The following PCDH7 variants were observed in gnomAD, a reference collection of about 807,000 sequenced individuals.
PCDH7 encodes protocadherin-7.
PCDH7 carries 17 observed loss-of-function variants against 58.9 expected under a neutral mutation model. That is an observed-to-expected ratio of 0.29 (90% CI 0.20 to 0.43). The LOEUF (loss-of-function observed/expected upper bound fraction) is 0.43, where lower values mean the gene tolerates loss of function less well. PCDH7 is among the 20% of genes least tolerant of loss of function. PCDH7 has a pLI of 1.00. For missense variants in PCDH7, 1,274 were observed against 1,441.0 expected (o/e 0.88, Z 1.88); for synonymous variants, 664 against 616.4 (o/e 1.08, Z -1.14).
At chr4:31,110,913 T>TAA (rs781688769) in intron 3 of PCDH7, among the ~76,000 whole-genome samples, 13 of 127,066 alleles carry the variant, frequency 1.0e-4, no homozygotes, top group Admixed American at 1.6e-4. Context: ...AGACTATGTC[T>TAA]AAAAAAAAAA....
intron 1 of PCDH7, among the ~76,000 whole-genome samples, chr4:30,765,803 A>G (rs1720667799): frequency 6.6e-6 from 1 of 152,130 alleles, no homozygotes; most frequent in Non-Finnish European, 1.5e-5. Flanking sequence ...GAAGGCACCA[A>G]AGGATTTGAG....
At chr4:31,029,763 C>G (rs1754742866) in intron 3 of PCDH7, among the ~76,000 whole-genome samples, 1 of 152,068 alleles carries the variant, frequency 6.6e-6, no homozygotes, top group African/African-American at 2.4e-5. Flanking sequence ...GGCAGATAGG[C>G]CTGATACTGT....
At chr4:30,963,272 T>G (rs66578250) in intron 3 of PCDH7, among the ~76,000 whole-genome samples, 1 of 152,066 alleles carries the variant, frequency 6.6e-6, no homozygotes, top group Non-Finnish European at 1.5e-5. Flanking sequence ...TTAAAAGTCA[T>G]TGGAGATTTT....
In PCDH7 at chr4:31,079,116, G is replaced by A. The variant is rs74613661; in HGVS notation, c.*8-63357G>A. 7.7e-3 allele frequency among the ~76,000 whole-genome samples: 1,161 copies of A among 151,018 alleles called. 6 individuals are homozygous for A. The highest frequency in any genetic ancestry group is 0.013 in the Non-Finnish European group (858 of 67,728). On this transcript the variant is annotated intron_variant, in intron 3 of 3. Coordinates refer to the PCDH7 transcript ENST00000509759. ...TGTAAAACATTTAGAAGATCACATA[G>A]GAAAACAGTATCACCTCAAGAATGA...
downstream of PCDH7, among the ~76,000 whole-genome samples, chr4:30,736,778 C>T (rs973810875): frequency 6.6e-6 from 1 of 151,922 alleles, no homozygotes; most frequent in South Asian, 2.1e-4. Context: ...CCTCGTGATC[C>T]GCCCGCCTCG....
chr4:30,792,745 T>G (rs1724292487), intron 1 of PCDH7, among the ~76,000 whole-genome samples: 1 of 152,174 alleles, frequency 6.6e-6, no homozygotes, highest in African/African-American at 2.4e-5. Flanking sequence ...GTCTCTAATC[T>G]TTCTTTTCTG....
At chr4:31,105,911 G>T (rs1211593715) in intron 3 of PCDH7, among the ~76,000 whole-genome samples, 1 of 151,866 alleles carries the variant, frequency 6.6e-6, no homozygotes, top group South Asian at 2.1e-4. Flanking sequence ...GGACGCTGAG[G>T]CAGGAGAATG....
chr4:31,074,406 C>A (rs903133760), intron 3 of PCDH7, among the ~76,000 whole-genome samples: 2 of 151,804 alleles, frequency 1.3e-5, no homozygotes, highest in South Asian at 4.2e-4. Flanking sequence ...TTAATGACAG[C>A]GAGTACAAAC....
intron 3 of PCDH7, among the ~76,000 whole-genome samples, chr4:31,134,574 T>A (rs1342953738): frequency 6.6e-6 from 1 of 152,232 alleles, no homozygotes; most frequent in Admixed American, 6.5e-5. Context: ...ATGATCATTA[T>A]TTCAGGGGCC....
intron 1 of PCDH7, among the ~76,000 whole-genome samples, chr4:30,752,783 C>CAAAAAAAAAAAAA (rs35860745): frequency 1.0e-5 from 1 of 99,554 alleles, no homozygotes; most frequent in Non-Finnish European, 2.0e-5. Context: ...CCTGTAGGGG[C>CAAAAAAAAAAAAA]AAAAAAAAAA....
chr4:30,876,671 G>A (rs549254177), intron 1 of PCDH7, among the ~76,000 whole-genome samples: 1 of 152,120 alleles, frequency 6.6e-6, no homozygotes, highest in South Asian at 2.1e-4. Flanking sequence ...AGGAAGTGAA[G>A]CAAAGGTACA....
In PCDH7 at chr4:30,980,660, A is replaced by G. The variant is rs1397527669; in HGVS notation, c.*7+30445A>G. On this transcript the variant is annotated intron_variant, in intron 3 of 3. Transcript: ENST00000509759. ...TATAATTCATTCATTGTTGAGTGAG[A>G]AAAAAAATCAAAGGCCTCTAATATC... Among the ~76,000 whole-genome samples the G allele has an allele frequency of 2.0e-5, 3 of 152,166 alleles. No homozygotes were observed. The East Asian group carries it at 5.8e-4, about 29-fold the overall frequency.
chr4:30,901,854 T>C (rs922156505), intron 1 of PCDH7, among the ~76,000 whole-genome samples: 2 of 152,184 alleles, frequency 1.3e-5, no homozygotes, highest in African/African-American at 2.4e-5. Context: ...TATGCTGAAA[T>C]GTGGTTTAGT....
At chr4:30,993,758 T>G (rs376170803) in intron 3 of PCDH7, among the ~76,000 whole-genome samples, 1 of 151,882 alleles carries the variant, frequency 6.6e-6, no homozygotes, top group Admixed American at 6.6e-5. Context: ...TTTGGCCAAA[T>G]AGTGATAATC....
intron 3 of PCDH7, among the ~76,000 whole-genome samples, chr4:30,998,941 T>C (rs1301877919): frequency 6.6e-5 from 10 of 152,168 alleles, no homozygotes; most frequent in Non-Finnish European, 1.5e-4. Flanking sequence ...TGTCAGGAAT[T>C]GGTCTTGATT....
chr4:31,086,455 T>G (rs559332517), intron 3 of PCDH7, among the ~76,000 whole-genome samples: 1 of 152,304 alleles, frequency 6.6e-6, no homozygotes, highest in East Asian at 1.9e-4. Context: ...GTATTATCTA[T>G]ACACCCAGAG....
rs542430466 is a variant in PCDH7 at position 31,129,469 on chromosome 4, C to T, written c.*8-13004C>T. Among the ~76,000 whole-genome samples, 44 of 152,136 alleles carry T rather than the reference C, an allele frequency of 2.9e-4. 1 individual carries two copies. Among genetic ancestry groups the T allele is most frequent in the African/African-American group, 1.0e-3 (42 of 41,502 alleles). ...ACCTACCTTAGGTCTGTGGAAGTGG[C>T]AAATGGCAACATGTGAGATCCGAAA... is the stretch of plus-strand genomic sequence containing the variant. On this transcript the variant is annotated intron_variant, in intron 3 of 3. Coordinates refer to the PCDH7 transcript ENST00000509759.
chr4:30,827,029 T>A (rs147401620), intron 1 of PCDH7, among the ~76,000 whole-genome samples: 90 of 152,308 alleles, frequency 5.9e-4, no homozygotes, highest in African/African-American at 2.0e-3. Flanking sequence ...AATGTGTATA[T>A]AAACAATGAG....
At chr4:31,088,104 A>G (rs995395754) in intron 3 of PCDH7, among the ~76,000 whole-genome samples, 1 of 151,954 alleles carries the variant, frequency 6.6e-6, no homozygotes, top group African/African-American at 2.4e-5. Flanking sequence ...TTCTGTTTCT[A>G]TCTACTTTGC....
Sources: allele counts gnomAD v4.1 joint callset (sites outside exome capture counted in the v4.1 genomes callset), GRCh38; gene constraint gnomAD v4.1.1; transcripts MANE v1.5; gene names NCBI Gene and HGNC (gene_info 2026-07-23, HGNC 2026-07-21).